The following CIMIP1 variants were observed in gnomAD, a reference collection of about 807,000 sequenced individuals.
The protein encoded by CIMIP1 is ciliary microtubule inner protein 1, also known as low in lung cancer 1.
At chr20:58,151,777 A>G in the CIMIP1 span, among the ~76,000 whole-genome samples, 1 of 152,290 alleles carries the variant, frequency 6.6e-6, no homozygotes, top group East Asian at 1.9e-4. Context: ...GAAGTACATG[A>G]AAATCCCTTG....
the CIMIP1 span, among the ~76,000 whole-genome samples, chr20:58,151,730 A>G: frequency 1.3e-5 from 2 of 152,154 alleles, no homozygotes; most frequent in African/African-American, 2.4e-5. Flanking sequence ...TTTTTAAAAA[A>G]AGAAAGCAAA....
chr20:58,150,925 A>G, the CIMIP1 span: 3 of 1,576,174 alleles, frequency 1.9e-6, no homozygotes, highest in East Asian at 7.0e-5. Context: ...CGCTGAGCCC[A>G]GGGCCAGAGC....
chr20:58,156,689 T>C, the CIMIP1 span, among the ~76,000 whole-genome samples: 1 of 152,162 alleles, frequency 6.6e-6, no homozygotes, highest in East Asian at 1.9e-4. Context: ...CCTTAGACGA[T>C]GCTCTCACCT....
the CIMIP1 span, among the ~76,000 whole-genome samples, chr20:58,156,872 G>A: frequency 6.6e-6 from 1 of 152,106 alleles, no homozygotes; most frequent in East Asian, 1.9e-4. Context: ...AAGGCCGCAG[G>A]GCAGGAGGAG....
At chr20:58,155,439 A>G in the CIMIP1 span, 1 of 1,555,126 alleles carries the variant, frequency 6.4e-7, no homozygotes, top group South Asian at 1.1e-5. Flanking sequence ...TTCACGTAAG[A>G]CTTCCCATCT....
chr20:58,151,477 G>T, the CIMIP1 span, among the ~76,000 whole-genome samples: 1 of 151,934 alleles, frequency 6.6e-6, no homozygotes, highest in African/African-American at 2.4e-5. Flanking sequence ...GCAGTGGCGC[G>T]ATCTCGGCTC....
chr20:58,156,484 A>T, the CIMIP1 span, among the ~76,000 whole-genome samples: 11 of 151,782 alleles, frequency 7.2e-5, no homozygotes, highest in South Asian at 1.0e-3. Context: ...TGGAGAAGGG[A>T]TGTGAGTGGA....
chr20:58,160,014 G>C, the CIMIP1 span, among the ~76,000 whole-genome samples: 1 of 152,146 alleles, frequency 6.6e-6, no homozygotes, highest in Non-Finnish European at 1.5e-5. Context: ...CAAATGTCCC[G>C]CACTGTTGCC....
chr20:58,161,127 A>T, the CIMIP1 span: 1 of 218,242 alleles, frequency 4.6e-6, no homozygotes, highest in Admixed American at 5.6e-5. Context: ...TTCAATTTTA[A>T]AAATATTTGT....
At chr20:58,152,078 T>C in the CIMIP1 span, among the ~76,000 whole-genome samples, 1 of 152,258 alleles carries the variant, frequency 6.6e-6, no homozygotes, top group South Asian at 2.1e-4. Flanking sequence ...TCACTTCATA[T>C]GTGTCTTTAA....
chr20:58,157,076 C>A, the CIMIP1 span, among the ~76,000 whole-genome samples: 141 of 152,258 alleles, frequency 9.3e-4, 1 homozygote, highest in African/African-American at 2.1e-3. Flanking sequence ...TAGAAATACA[C>A]CAAAATATAA....
the CIMIP1 span, chr20:58,160,820 T>C: frequency 6.2e-6 from 10 of 1,610,716 alleles, 1 homozygote; most frequent in East Asian, 2.2e-4. Context: ...GGGCGTGCAC[T>C]GAATCCAGAC....
chr20:58,153,466 T>C, the CIMIP1 span: 3 of 1,093,864 alleles, frequency 2.7e-6, 1 homozygote, highest in South Asian at 2.6e-5. Context: ...TCAATGTTCG[T>C]GGAGAATGGA....
chr20:58,154,980 AT>A, the CIMIP1 span, among the ~76,000 whole-genome samples: 1 of 152,082 alleles, frequency 6.6e-6, no homozygotes, highest in East Asian at 1.9e-4. Context: ...TAATTTTTGT[AT>A]TTTTTGAAGA....
chr20:58,161,100 T>TA, the CIMIP1 span: 210 of 253,210 alleles, frequency 8.3e-4, no homozygotes, highest in East Asian at 1.5e-3. Context: ...TGCAGGGCTT[T>TA]AAAAAAAAAT....
the CIMIP1 span, among the ~76,000 whole-genome samples, chr20:58,152,179 T>A: frequency 6.6e-6 from 1 of 152,178 alleles, no homozygotes; most frequent in African/African-American, 2.4e-5. Flanking sequence ...CACAACTATT[T>A]TTTACTAAAT....
At chr20:58,151,268 C>T in the CIMIP1 span, among the ~76,000 whole-genome samples, 1 of 151,988 alleles carries the variant, frequency 6.6e-6, no homozygotes, top group Non-Finnish European at 1.5e-5. Context: ...GGGCCCACCA[C>T]GAAGACGTGG....
At chr20:58,159,186 T>A in the CIMIP1 span, among the ~76,000 whole-genome samples, 8 of 147,318 alleles carry the variant, frequency 5.4e-5, no homozygotes, top group East Asian at 1.2e-3. Context: ...CTTTCTTCTT[T>A]TTTTTTTTTT....
chr20:58,151,040 C>G, the CIMIP1 span: 1 of 1,601,868 alleles, frequency 6.2e-7, no homozygotes, highest in Non-Finnish European at 8.5e-7. Flanking sequence ...CTGGTAACGC[C>G]TGGGATCGGG....
Sources: allele counts gnomAD v4.1 joint callset (sites outside exome capture counted in the v4.1 genomes callset), GRCh38; gene constraint gnomAD v4.1.1; transcripts MANE v1.5; gene names NCBI Gene and HGNC (gene_info 2026-07-23, HGNC 2026-07-21).